The following APOOL variants were observed in gnomAD, a reference collection of about 807,000 sequenced individuals.
APOOL encodes MICOS complex subunit MIC27.
In APOOL, 12 loss-of-function variants were observed where a neutral mutation model predicts 23.1. That is an observed-to-expected ratio of 0.52 (90% CI 0.33 to 0.84). The LOEUF is 0.84. Among genes scored for constraint, APOOL ranks in the 40% least tolerant of loss-of-function variants. The pLI, the probability that APOOL is intolerant of heterozygous loss-of-function variation, is 0.02. For synonymous variants in APOOL, 77 were observed against 69.9 expected (o/e 1.10, Z -0.51); for missense variants, 212 against 199.6 (o/e 1.06, Z -0.37).
chrX:85,088,147 TATAA>T lies in APOOL; in HGVS notation c.*473_*476del, dbSNP rs1394623197. On this transcript the variant is annotated 3_prime_UTR_variant, in exon 9 of 9. Transcript: ENST00000373173. Reference sequence around the variant, plus strand: ...ATACATACATATTTATACATATATGTATAAATACATACATATTTATACATATATG... The same window carrying T: ...ATACATACATATTTATACATATATGTATACATACATATTTATACATATATG... 549 of 70,228 alleles carry T rather than the reference TATAA, an allele frequency of 7.8e-3. 1 individual carries two copies. Among genetic ancestry groups the T allele is most frequent in the Non-Finnish European group, 0.011 (402 of 37,883 alleles). The allele number at this position is 70,228 out of a possible 1,213,427, so 5.8% of individuals were successfully genotyped here.
At chrX:85,030,264 C>A in intron 1 of APOOL, among the ~76,000 whole-genome samples, 1 of 110,893 alleles carries the variant, frequency 9.0e-6, no homozygotes, top group South Asian at 3.8e-4. Flanking sequence ...AGTGGAAAAC[C>A]AAAAACCATA....
At chrX:85,023,374 C>T (rs1298415225) in intron 1 of APOOL, among the ~76,000 whole-genome samples, 2 of 111,743 alleles carry the variant, frequency 1.8e-5, no homozygotes, top group Admixed American at 1.9e-4. Context: ...AGTGAAAGAT[C>T]TTCACACTGA....
chrX:85,065,956 C>T (rs1299213086), intron 5 of APOOL, among the ~76,000 whole-genome samples: 1 of 111,327 alleles, frequency 9.0e-6, no homozygotes, highest in East Asian at 2.8e-4. Flanking sequence ...TAGTTTGAAT[C>T]AGCCTGGCCA....
At chrX:85,070,278 T>C (rs1923618948) in intron 6 of APOOL, among the ~76,000 whole-genome samples, 1 of 111,944 alleles carries the variant, frequency 8.9e-6, no homozygotes, top group Non-Finnish European at 1.9e-5. Flanking sequence ...GTATCTGTGA[T>C]ATTAAAAAGT....
chrX:85,029,892 A>G (rs1921975521), intron 1 of APOOL, among the ~76,000 whole-genome samples: 1 of 112,163 alleles, frequency 8.9e-6, no homozygotes, highest in African/African-American at 3.2e-5. Context: ...GTGAAAAGGG[A>G]ACACTTTTAC....
intron 5 of APOOL, among the ~76,000 whole-genome samples, chrX:85,062,290 T>G (rs954536613): frequency 1.8e-5 from 2 of 111,521 alleles, no homozygotes; most frequent in Non-Finnish European, 3.8e-5. Flanking sequence ...ATGGATAGAT[T>G]GCAAAAATTT....
intron 1 of APOOL, among the ~76,000 whole-genome samples, chrX:85,045,644 T>C (rs762829537): frequency 7.1e-5 from 8 of 111,914 alleles, no homozygotes; most frequent in Non-Finnish European, 1.5e-4. Context: ...GTTGAATGGA[T>C]AATCTTTGGG....
intron 1 of APOOL, among the ~76,000 whole-genome samples, chrX:85,014,416 G>A (rs1384232782): frequency 2.7e-5 from 3 of 110,293 alleles, no homozygotes; most frequent in African/African-American, 9.9e-5. Context: ...GGCCTTGTGA[G>A]ATTTATGCTT....
chrX:85,026,104 C>G (rs746831187), intron 1 of APOOL, among the ~76,000 whole-genome samples: 109 of 113,308 alleles, frequency 9.6e-4, no homozygotes, highest in Middle Eastern at 9.1e-3. Context: ...GAAGAGGCTG[C>G]CAAGTATTTA....
At chrX:85,073,743 TA>T (rs964370795) in intron 6 of APOOL, among the ~76,000 whole-genome samples, 19 of 110,731 alleles carry the variant, frequency 1.7e-4, no homozygotes, top group Admixed American at 3.9e-4. Flanking sequence ...TGAAAAAAAT[TA>T]AAAAAATAGA....
intron 5 of APOOL, among the ~76,000 whole-genome samples, chrX:85,060,059 G>A (rs1426241944): frequency 9.0e-6 from 1 of 110,870 alleles, no homozygotes; most frequent in Non-Finnish European, 1.9e-5. Context: ...TTTGTATAAG[G>A]TGTAAGAAAG....
chrX:85,046,617 A>G, intron 2 of APOOL, 67 bp downstream of exon 2: 1 of 904,847 alleles, frequency 1.1e-6, no homozygotes, highest in South Asian at 2.3e-5. Context: ...TATATTTTTT[A>G]AAATTATCTT....
In APOOL at chrX:85,054,383, G is replaced by C. The variant is rs1210368187; in HGVS notation, c.280G>C (p.Val94Leu). The change falls in exon 4 of 9, where the codon GTA (valine) becomes CTA (leucine). Residue 94 changes from valine to leucine, a missense_variant. Transcript: ENST00000373173. ...TGTGAAAAATGGGATAATGGATACAGTACAATTTGGAAAAGGTAGGTGAGT... is the reference window on the plus strand; with the variant it reads ...TGTGAAAAATGGGATAATGGATACACTACAATTTGGAAAAGGTAGGTGAGT... ...VFVKNGIMDTVQFGKDAYVYL... is the reference protein window; with the variant it reads ...VFVKNGIMDTLQFGKDAYVYL... 8.4e-7 allele frequency: 1 copy of C among 1,184,610 alleles called. No homozygotes were observed. The highest frequency in any genetic ancestry group is 1.1e-6 in the Non-Finnish European group (1 of 881,245).
chrX:85,014,193 T>A (rs931421578), intron 1 of APOOL, among the ~76,000 whole-genome samples: 1 of 111,658 alleles, frequency 9.0e-6, no homozygotes, highest in African/African-American at 3.3e-5. Context: ...TCTACCCCTT[T>A]ACCTTAAGTA....
At chrX:85,076,793 T>G (rs1434850403) in intron 8 of APOOL, among the ~76,000 whole-genome samples, 6 of 108,664 alleles carry the variant, frequency 5.5e-5, no homozygotes, top group Admixed American at 3.0e-4. Flanking sequence ...CCATCTCATG[T>G]ACATTAATGG....
chrX:85,035,777 T>C (rs1922196206), intron 1 of APOOL, among the ~76,000 whole-genome samples: 1 of 111,525 alleles, frequency 9.0e-6, no homozygotes, highest in South Asian at 3.8e-4. Context: ...TGGCTTTATT[T>C]CTGGGTTCTC....
chrX:85,059,740 G>C, intron 5 of APOOL, among the ~76,000 whole-genome samples: 2 of 110,468 alleles, frequency 1.8e-5, no homozygotes. Flanking sequence ...TTTTTTTCTT[G>C]TAAATTTGTT....
At chrX:85,085,390 C>G (rs1924254096) in intron 8 of APOOL, among the ~76,000 whole-genome samples, 1 of 111,554 alleles carries the variant, frequency 9.0e-6, no homozygotes, top group Non-Finnish European at 1.9e-5. Flanking sequence ...AACATACCCC[C>G]AGAGACACGA....
chrX:85,069,611 A>G (rs950526401), intron 6 of APOOL, among the ~76,000 whole-genome samples: 21 of 71,069 alleles, frequency 3.0e-4, no homozygotes, highest in African/African-American at 1.7e-3. Context: ...CGCCATCTCT[A>G]AAAAAAAAAA....
Sources: gnomAD v4.1 joint callset for allele counts (sites outside exome capture counted in the v4.1 genomes callset) on GRCh38, gnomAD v4.1.1 for gene constraint, MANE v1.5 for transcripts, NCBI Gene and HGNC (gene_info 2026-07-23, HGNC 2026-07-21) for gene names.